Variants in PPCDC observed in about 807,000 individuals in gnomAD.
The protein encoded by PPCDC is phosphopantothenoylcysteine decarboxylase.
Under a neutral mutation model 20.7 loss-of-function variants are expected in PPCDC, and 20 were observed. The observed-to-expected ratio is 0.97, with a 90% CI of 0.68 to 1.41. PPCDC has a LOEUF of 1.41. Among genes scored for constraint, PPCDC ranks in the 40% most tolerant of loss-of-function variants. PPCDC has a pLI of 0.00. For missense variants in PPCDC, 246 were observed against 263.8 expected, an observed-to-expected ratio of 0.93 and a Z score of 0.47; for synonymous variants, 88 against 100.3, an observed-to-expected ratio of 0.88 and a Z score of 0.73.
At chr15:75,046,235 C>T (rs1567065699) in intron 4 of PPCDC, among the ~76,000 whole-genome samples, 1 of 152,184 alleles carries the variant, frequency 6.6e-6, no homozygotes, top group Non-Finnish European at 1.5e-5. Flanking sequence ...AAAAGGCTTC[C>T]CAGCAGCACT....
chr15:75,031,069 G>A (rs987958149), intron 2 of PPCDC, among the ~76,000 whole-genome samples: 2 of 152,130 alleles, frequency 1.3e-5, no homozygotes, highest in African/African-American at 4.8e-5. Context: ...GGGACCCTGG[G>A]CAAGTCCGTT....
At position 75,028,106 on chromosome 15, in the gene PPCDC, T is replaced by C. The variant is rs1322995119; in HGVS notation, c.-72-141T>C. ...GTGTGGGGAAGGTGTCTCACTTTCT[T>C]ATCAAACTGTGTGCTCCCTGAAGCC... On this transcript the variant is annotated intron_variant, in intron 1 of 5. Transcript: ENST00000342932. The C allele has an allele frequency of 8.3e-5, 49 of 589,072 alleles. 1 individual carries two copies. In the East Asian group the frequency reaches 1.1e-3, roughly 14 times the overall value. 36.5% of individuals were successfully genotyped at this position (589,072 alleles called of 1,614,324 possible).
rs201296734 is a variant in PPCDC, at chr15:75,032,730, C to A, written c.135+4277C>A. ...GTAGGAGCTAGCAAACTGGACCCCC[C>A]CCCCCAAGGCCAAATTCGGCTCTGC... On this transcript the variant is annotated intron_variant, in intron 2 of 5. Transcript: ENST00000342932. 6.8e-4 allele frequency among the ~76,000 whole-genome samples: 87 copies of A among 128,790 alleles called. 7 individuals carry two copies. The East Asian group carries it at 0.022, about 32-fold the overall frequency. The allele number at this position is 128,790 out of a possible 152,430, so 84.5% of individuals were successfully genotyped here.
intron 2 of PPCDC, among the ~76,000 whole-genome samples, chr15:75,040,438 A>G (rs998433153): frequency 1.3e-5 from 2 of 152,152 alleles, no homozygotes; most frequent in African/African-American, 4.8e-5. Flanking sequence ...AGCAGAGTTT[A>G]CCTTATTTAA....
chr15:75,044,830 C>T, intron 4 of PPCDC: 1 of 316,204 alleles, frequency 3.2e-6, no homozygotes, highest in South Asian at 2.9e-5. Context: ...CGTGGGCTGC[C>T]TGGGTGTGCT....
chr15:75,032,139 A>G (rs760345803), intron 2 of PPCDC, among the ~76,000 whole-genome samples: 2 of 152,098 alleles, frequency 1.3e-5, no homozygotes, highest in Non-Finnish European at 2.9e-5. Flanking sequence ...ATGGGGTGGC[A>G]TTTCCTGAAC....
intron 4 of PPCDC, 175 bp downstream of exon 4, chr15:75,044,689 G>T: frequency 2.3e-6 from 2 of 851,636 alleles, no homozygotes; most frequent in Non-Finnish European, 3.5e-6. Context: ...TGTAGCACAT[G>T]GGCACAGCCC....
chr15:75,031,337 G>A (rs982595713), intron 2 of PPCDC, among the ~76,000 whole-genome samples: 3 of 152,156 alleles, frequency 2.0e-5, no homozygotes, highest in Non-Finnish European at 4.4e-5. Flanking sequence ...TTTCTTCCCT[G>A]GGGTTGGCAG....
At chr15:75,029,579 C>T (rs1267390657) in intron 2 of PPCDC, among the ~76,000 whole-genome samples, 2 of 152,198 alleles carry the variant, frequency 1.3e-5, no homozygotes, top group Non-Finnish European at 2.9e-5. Flanking sequence ...CATCACCCCA[C>T]CCCCAGGGCT....
chr15:75,047,517 C>T (rs1314382312), intron 4 of PPCDC, among the ~76,000 whole-genome samples: 1 of 152,230 alleles, frequency 6.6e-6, no homozygotes, highest in African/African-American at 2.4e-5. Context: ...CCCTGAGGAG[C>T]TCACAGCCCT....
At position 75,049,291 on chromosome 15, in the gene PPCDC, CG is replaced by C; in HGVS notation, c.*58del. On this transcript the variant is annotated 3_prime_UTR_variant, in exon 6 of 6. Transcript: ENST00000342932. ...TACTCAGAATGGGTTCAGGCCAAGT[CG>C]GTGAAGATGGATGTTGGCAAAATAG... The C allele has an allele frequency of 6.5e-7, 1 of 1,537,834 alleles. No individual in the cohort carries two copies.
At position 75,050,713 on chromosome 15, in the gene PPCDC, T is replaced by C. The variant is rs1484920341; in HGVS notation, c.*1478T>C. 1 of 152,270 alleles carries C rather than the reference T, an allele frequency of 6.6e-6. No individual in the cohort carries two copies. The highest frequency in any genetic ancestry group is 1.5e-5 in the Non-Finnish European group (1 of 68,070). The allele number at this position is 152,270 out of a possible 1,614,324, so 9.4% of individuals were successfully genotyped here. A position where few individuals can be genotyped will look rare whatever the true frequency, so the allele number is the denominator to read the frequency against. ...TTGCCTTAGGGTATGAAATAAACTATAACTAAAATGGTAGCATCAAGAACC... is the reference window on the plus strand; with the variant it reads ...TTGCCTTAGGGTATGAAATAAACTACAACTAAAATGGTAGCATCAAGAACC... On this transcript the variant is annotated 3_prime_UTR_variant, in exon 6 of 6. Transcript: ENST00000342932.
intron 2 of PPCDC, among the ~76,000 whole-genome samples, chr15:75,041,022 C>T (rs539725979): frequency 6.6e-6 from 1 of 152,242 alleles, no homozygotes; most frequent in South Asian, 2.1e-4. Flanking sequence ...CTTTCGTATC[C>T]TTTATGTGTA....
chr15:75,049,345 G>C lies in PPCDC; in HGVS notation c.*110G>C. On this transcript the variant is annotated 3_prime_UTR_variant, in exon 6 of 6. Coordinates refer to ENST00000342932, the MANE Select transcript of PPCDC (RefSeq NM_021823.5). ...GGATACCCTCATTTGCTGAATGGGGGACCTGCTCTGAGCCTGCCCAGGGGC... is the reference window on the plus strand; with the variant it reads ...GGATACCCTCATTTGCTGAATGGGGCACCTGCTCTGAGCCTGCCCAGGGGC... 1.9e-6 allele frequency: 2 copies of C among 1,037,956 alleles called. No homozygotes were observed. The allele number at this position is 1,037,956 out of a possible 1,614,324, so 64.3% of individuals were successfully genotyped here.
intron 4 of PPCDC, among the ~76,000 whole-genome samples, chr15:75,045,774 C>T (rs949865891): frequency 5.3e-5 from 8 of 152,090 alleles, no homozygotes; most frequent in Admixed American, 2.0e-4. Flanking sequence ...GTCCCAGCTA[C>T]TTGGGAGGCT....
intron 2 of PPCDC, among the ~76,000 whole-genome samples, chr15:75,035,653 A>T (rs1047454046): frequency 1.3e-4 from 20 of 152,316 alleles, no homozygotes; most frequent in African/African-American, 4.3e-4. Flanking sequence ...ATTTAGCTTA[A>T]AACTATTAGC....
At chr15:75,033,377 C>T (rs2066046786) in intron 2 of PPCDC, among the ~76,000 whole-genome samples, 1 of 152,208 alleles carries the variant, frequency 6.6e-6, no homozygotes, top group Non-Finnish European at 1.5e-5. Flanking sequence ...TACTGAGTTA[C>T]TGCACACAGT....
In PPCDC at chr15:75,029,611, A is replaced by C. The variant is rs149975708; in HGVS notation, c.135+1158A>C. ...GGCTGGGATAAGCCATGAAGCTGCCAGCCAGGGATGACAGCCAGGCCAGAG... is the reference window on the plus strand; with the variant it reads ...GGCTGGGATAAGCCATGAAGCTGCCCGCCAGGGATGACAGCCAGGCCAGAG... On this transcript the variant is annotated intron_variant, in intron 2 of 5. Transcript: ENST00000342932. Among the ~76,000 whole-genome samples, 535 of 152,202 alleles carry C rather than the reference A, an allele frequency of 3.5e-3. 7 individuals are homozygous for C. Among genetic ancestry groups the C allele is most frequent in the African/African-American group, 0.013 (521 of 41,518 alleles).
chr15:75,043,788 A>G (rs535090040), intron 3 of PPCDC: 2 of 472,710 alleles, frequency 4.2e-6, no homozygotes, highest in Non-Finnish European at 7.6e-6. Context: ...CCTTGTACTT[A>G]TCTGGGCTGA....
Sources: allele counts gnomAD v4.1 joint callset (sites outside exome capture counted in the v4.1 genomes callset), GRCh38; gene constraint gnomAD v4.1.1; transcripts MANE v1.5; gene names NCBI Gene and HGNC (gene_info 2026-07-23, HGNC 2026-07-21).